Variants in RNF38 observed in about 807,000 individuals in gnomAD.
RNF38 encodes the protein ring finger protein 38.
In RNF38, 15 loss-of-function variants were observed where a neutral mutation model predicts 67.2. That is an observed-to-expected ratio of 0.22 (90% CI 0.15 to 0.34). The LOEUF (loss-of-function observed/expected upper bound fraction) is 0.34. Ranked by LOEUF, RNF38 falls within the 10% of genes least tolerant of loss-of-function variation. RNF38 has a pLI of 1.00. For missense variants in RNF38, 524 were observed against 639.9 expected (o/e 0.82, Z 1.95); for synonymous variants, 220 against 218.8 (o/e 1.01, Z -0.05).
chr9:36,355,499 T>C (rs539099670), intron 6 of RNF38, among the ~76,000 whole-genome samples: 7 of 152,252 alleles, frequency 4.6e-5, no homozygotes, highest in South Asian at 2.1e-4. Flanking sequence ...CATCACAACA[T>C]AGTGAAAAAC....
At position 36,460,282 on chromosome 9, in the gene RNF38, A is replaced by G. The variant is rs766721844; in HGVS notation, n.241+27026T>C. Among the ~76,000 whole-genome samples the G allele has an allele frequency of 1.5e-4, 23 of 152,298 alleles. No homozygotes were observed. In the South Asian group the frequency reaches 1.7e-3, roughly 11 times the overall value. The stretch of plus-strand genomic sequence containing the variant: ...ACAACTGATGGTTTACTTCTCTCGC[A>G]TAAGTGACCACAGGAAGGCATAGAC... On this transcript the variant is annotated intron_variant and non_coding_transcript_variant, in intron 1 of 3. Coordinates refer to the RNF38 transcript ENST00000488058.
At chr9:36,373,142 G>A (rs186708093) in intron 3 of RNF38, among the ~76,000 whole-genome samples, 2 of 152,276 alleles carry the variant, frequency 1.3e-5, no homozygotes, top group East Asian at 3.9e-4. Flanking sequence ...GGGAGGTGGA[G>A]GTTGCAGTGA....
intron 2 of RNF38, 80 bp from the exon 3 acceptor site, chr9:36,376,207 T>C: frequency 9.5e-7 from 1 of 1,053,746 alleles, no homozygotes; most frequent in Non-Finnish European, 1.3e-6. Flanking sequence ...GGTGTTAGGA[T>C]GTACTTAACC....
intron 1 of RNF38, among the ~76,000 whole-genome samples, chr9:36,480,578 GT>G (rs1281545872): frequency 4.3e-5 from 6 of 141,142 alleles, no homozygotes; most frequent in Non-Finnish European, 3.0e-5. Context: ...TTGAGACAGG[GT>G]CTCACTCTGT....
At chr9:36,412,755 G>T (rs1838358646) in intron 2 of RNF38, among the ~76,000 whole-genome samples, 1 of 152,182 alleles carries the variant, frequency 6.6e-6, no homozygotes, top group African/African-American at 2.4e-5. Flanking sequence ...GACCAACATG[G>T]TGAAATCCCA....
In RNF38 at chr9:36,341,829, T is replaced by C. The variant is rs1587453084; in HGVS notation, c.1485+496A>G. Among the ~76,000 whole-genome samples, 3 of 2,084 alleles carry C rather than the reference T, an allele frequency of 1.4e-3. No individual in the cohort carries two copies. The South Asian group carries it at 0.058, about 40-fold the overall frequency. 1.4% of individuals were successfully genotyped at this position (2,084 alleles called of 152,430 possible). ...ATATATATATATATATATATATATA[T>C]ATATATATATATATATATATATATA... On this transcript the variant is annotated intron_variant, in intron 11 of 11. Transcript: ENST00000259605.
intron 1 of RNF38, among the ~76,000 whole-genome samples, chr9:36,459,397 A>C (rs536049089): frequency 8.5e-4 from 130 of 152,296 alleles, no homozygotes; most frequent in Non-Finnish European, 1.7e-3. Context: ...ACCTGTGTTA[A>C]GGCATTTACT....
upstream of RNF38, among the ~76,000 whole-genome samples, chr9:36,403,651 C>A (rs77649221): frequency 3.3e-5 from 5 of 152,166 alleles, no homozygotes; most frequent in Admixed American, 6.5e-5. Flanking sequence ...GCTTACTGAA[C>A]AGGAAAATGC....
At chr9:36,479,718 A>G (rs1385873955) in intron 1 of RNF38, among the ~76,000 whole-genome samples, 3 of 152,154 alleles carry the variant, frequency 2.0e-5, no homozygotes, top group Non-Finnish European at 4.4e-5. Flanking sequence ...AGGTGGCAAT[A>G]AAAATCTACA....
At chr9:36,444,754 C>T (rs377379344) in intron 1 of RNF38, among the ~76,000 whole-genome samples, 6 of 152,088 alleles carry the variant, frequency 3.9e-5, no homozygotes, top group South Asian at 2.1e-4. Flanking sequence ...GAGCTGAGAT[C>T]GCACCACTGC....
intron 2 of RNF38, among the ~76,000 whole-genome samples, chr9:36,383,105 C>A (rs1162482637): frequency 1.3e-5 from 2 of 152,176 alleles, no homozygotes; most frequent in Non-Finnish European, 2.9e-5. Context: ...ATATTTGGAT[C>A]ACACAATAGT....
In RNF38 at chr9:36,352,764, G is replaced by C. The variant is rs1833791495; in HGVS notation, c.1156C>G (p.Pro386Ala). The change falls in exon 8 of 12, where the codon CCC becomes GCC. Residue 386 changes from proline to alanine, a missense_variant. Pro to Ala is a conservative substitution (Grantham distance 27). Around this residue, in one of 2 missense-constraint regions of RNF38, gnomAD observed 461 missense variants for 517.4 expected, o/e 0.89. Transcript: ENST00000259605. ...QQPIPPPPYHPSLLPYVLSML... is the reference protein window; with the variant it reads ...QQPIPPPPYHASLLPYVLSML... ...TACAACACATATGGCAGTAAGCTGG[G>C]ATGATAAGGGGGAGGTGGTATTGGC... 2 of 1,613,442 alleles carry C rather than the reference G, an allele frequency of 1.2e-6. No individual in the cohort carries two copies. The highest frequency in any genetic ancestry group is 1.3e-5 in the African/African-American group (1 of 75,022).
rs917984000 is a variant in RNF38, at chr9:36,353,390, G to A, written c.910-59C>T. On this transcript the variant is annotated intron_variant, in intron 6 of 11. Coordinates refer to ENST00000259605, the MANE Select transcript of RNF38 (RefSeq NM_022781.5). Reference sequence around the variant, plus strand: ...TATATATATATACTTCCTGTGTTTAGATAGATTATGCTTTATAATAATCAC... The same window carrying A: ...TATATATATATACTTCCTGTGTTTAAATAGATTATGCTTTATAATAATCAC... 9 of 1,185,566 alleles carry A rather than the reference G, an allele frequency of 7.6e-6. No individual in the cohort carries two copies. The African/African-American group carries it at 1.4e-4, about 19-fold the overall frequency. The allele number at this position is 1,185,566 out of a possible 1,614,324, so 73.4% of individuals were successfully genotyped here.
intron 1 of RNF38, among the ~76,000 whole-genome samples, chr9:36,480,438 G>A (rs1375709428): frequency 6.6e-6 from 1 of 151,890 alleles, no homozygotes; most frequent in Admixed American, 6.6e-5. Context: ...CCAAGGTGCA[G>A]AAGCAGAATG....
intron 4 of RNF38, among the ~76,000 whole-genome samples, chr9:36,365,271 A>G (rs905375311): frequency 7.9e-5 from 12 of 152,140 alleles, no homozygotes; most frequent in Non-Finnish European, 1.6e-4. Context: ...TCTCATTTAA[A>G]TAAGTTTTCC....
At chr9:36,400,561 G>T (rs375041022), upstream of RNF38, 125 of 987,890 alleles carry the variant, frequency 1.3e-4, no homozygotes, top group East Asian at 0.01. Flanking sequence ...TACCTGCGAG[G>T]GGAGGCTCCG....
At chr9:36,416,744 T>A (rs1397112644) in intron 2 of RNF38, among the ~76,000 whole-genome samples, 1 of 107,340 alleles carries the variant, frequency 9.3e-6, no homozygotes, top group Non-Finnish European at 1.9e-5. Context: ...GCCTCGATAT[T>A]TTTTTTTTTT....
chr9:36,458,611 T>C (rs1256931142), intron 1 of RNF38, among the ~76,000 whole-genome samples: 1 of 151,948 alleles, frequency 6.6e-6, no homozygotes, highest in Non-Finnish European at 1.5e-5. Flanking sequence ...GATCTGCGGC[T>C]TCACTCCTGA....
chr9:36,480,342 C>T (rs1306623974), intron 1 of RNF38, among the ~76,000 whole-genome samples: 2 of 152,054 alleles, frequency 1.3e-5, no homozygotes, highest in Non-Finnish European at 2.9e-5. Flanking sequence ...TCTGTTTAGT[C>T]TGAGAAACTG....
Sources: allele counts gnomAD v4.1 joint callset (sites outside exome capture counted in the v4.1 genomes callset), GRCh38; gene constraint gnomAD v4.1.1; regional missense constraint gnomAD v4.1.1; transcripts MANE v1.5; gene names NCBI Gene and HGNC (gene_info 2026-07-23, HGNC 2026-07-21).